The following SRGAP3 variants were observed in gnomAD, a reference collection of about 807,000 sequenced individuals.
SRGAP3 encodes SLIT-ROBO Rho GTPase-activating protein 3.
In SRGAP3, 39 loss-of-function variants were observed where a neutral mutation model predicts 121.1. The ratio of observed to expected loss-of-function variants is 0.32; its 90% CI spans 0.25 to 0.42. SRGAP3 has a LOEUF of 0.42. Ranked by LOEUF, SRGAP3 falls within the 10% of genes least tolerant of loss-of-function variation. The pLI is 1.00. For synonymous variants in SRGAP3, 601 were observed against 570.0 expected (o/e 1.05, Z -0.77); for missense variants, 1,213 against 1,470.6 (o/e 0.82, Z 2.86).
chr3:9,095,743 G>A lies in SRGAP3; in HGVS notation c.423+8937C>T, dbSNP rs955422285. 3.9e-5 allele frequency among the ~76,000 whole-genome samples: 6 copies of A among 152,250 alleles called. No individual in the cohort carries two copies. The South Asian group carries it at 6.2e-4, about 16-fold the overall frequency. ...CACTCCAGAGGAAGCCTTGATATCT[G>A]ATAAGGCCAATCCTCCAACAAATAC... On this transcript the variant is annotated intron_variant, in intron 3 of 21. Transcript: ENST00000383836.
At chr3:9,253,080 C>G (rs1485005229), upstream of SRGAP3, among the ~76,000 whole-genome samples, 1 of 152,200 alleles carries the variant, frequency 6.6e-6, no homozygotes. Context: ...TTTTTTGCTA[C>G]AGCCCCATGA....
At chr3:9,249,874 A>AT (rs1200218532), upstream of SRGAP3, among the ~76,000 whole-genome samples, 1 of 152,218 alleles carries the variant, frequency 6.6e-6, no homozygotes, top group Admixed American at 6.5e-5. Context: ...TGGGTTAGGG[A>AT]TTTTTCTTCC....
intron 5 of SRGAP3, among the ~76,000 whole-genome samples, chr3:9,061,290 G>C (rs988454422): frequency 6.6e-5 from 10 of 152,132 alleles, no homozygotes; most frequent in Non-Finnish European, 1.3e-4. Flanking sequence ...TCAAACTGCT[G>C]CTCGCACCTG....
chr3:9,268,588 C>T (rs1023825752), intron 3 of SRGAP3, among the ~76,000 whole-genome samples: 9 of 152,074 alleles, frequency 5.9e-5, no homozygotes, highest in African/African-American at 1.4e-4. Context: ...CACCAGGCAC[C>T]AGCCAACACA....
intron 1 of SRGAP3, chr3:9,217,921 A>C (rs1372865563): frequency 6.6e-6 from 1 of 152,180 alleles, no homozygotes; most frequent in African/African-American, 2.4e-5. Flanking sequence ...CCCCCACTGC[A>C]TCTGGCTCTC....
At chr3:9,253,704 C>G (rs1211975392), upstream of SRGAP3, among the ~76,000 whole-genome samples, 1 of 152,194 alleles carries the variant, frequency 6.6e-6, no homozygotes, top group Admixed American at 6.5e-5. Context: ...AAGCAGAACT[C>G]AGCTAGTTGA....
chr3:9,101,732 C>A (rs1170567792), intron 3 of SRGAP3, among the ~76,000 whole-genome samples: 3 of 152,152 alleles, frequency 2.0e-5, no homozygotes, highest in Non-Finnish European at 4.4e-5. Flanking sequence ...CTAGTAAGGT[C>A]CCTTTTTCTC....
In SRGAP3 at chr3:9,110,464, T is replaced by C. The variant is rs540565687; in HGVS notation, c.261-5622A>G. ...AACAAGGAAGGCTTTACAAATGCTG[T>C]GGCCACATGGCAGAAGAGGTCAATC... is the stretch of plus-strand genomic sequence containing the variant. On this transcript the variant is annotated intron_variant, in intron 2 of 21. Coordinates refer to ENST00000383836, the MANE Select transcript of SRGAP3 (RefSeq NM_014850.4). Among the ~76,000 whole-genome samples the C allele has an allele frequency of 1.4e-4, 21 of 152,348 alleles. No individual in the cohort carries two copies. The South Asian group carries it at 3.7e-3, about 27-fold the overall frequency.
chr3:9,124,257 G>A (rs1047360886), intron 2 of SRGAP3, among the ~76,000 whole-genome samples: 9 of 152,150 alleles, frequency 5.9e-5, no homozygotes, highest in Admixed American at 5.9e-4. Context: ...GCAAGGAAGA[G>A]GAATGTTTGA....
At position 8,985,760 on chromosome 3, in the gene SRGAP3, T is replaced by C. The variant is rs1195407145; in HGVS notation, c.3059A>G (p.Asp1020Gly). The C allele has an allele frequency of 1.3e-6, 2 of 1,597,596 alleles. No individual in the cohort carries two copies. The highest frequency in any genetic ancestry group is 2.2e-5 in the East Asian group (1 of 44,784). Residue 1020 changes from aspartate (D) to glycine (G), a missense_variant, in exon 22 of 22, where the codon GAC becomes GGC. Asp to Gly is a moderately conservative substitution (Grantham distance 94). Coordinates refer to ENST00000383836, the MANE Select transcript of SRGAP3 (RefSeq NM_014850.4). This position sits in a 1 kb window ranked among gnomAD's most constrained non-coding sequence, Gnocchi z 5.1. Reference sequence around the variant, plus strand: ...GCTGCGGCGCATGGCGGCATCGGGGTCGCGGATGACGATGGTGTGAAGGGG... The same window carrying C: ...GCTGCGGCGCATGGCGGCATCGGGGCCGCGGATGACGATGGTGTGAAGGGG... ...ASPLHTIVIR[D>G]PDAAMRRSSS...
intron 1 of SRGAP3, among the ~76,000 whole-genome samples, chr3:9,339,102 A>T (rs547433922): frequency 9.5e-4 from 144 of 152,292 alleles, no homozygotes; most frequent in Middle Eastern, 3.4e-3. Flanking sequence ...CTGGAGTTGC[A>T]CAGTCCCATA....
At position 9,024,039 on chromosome 3, in the gene SRGAP3, T is replaced by C. The variant is rs1387364838; in HGVS notation, c.1678+1222A>G. Among the ~76,000 whole-genome samples, 3 of 152,082 alleles carry C rather than the reference T, an allele frequency of 2.0e-5. No individual in the cohort carries two copies. The East Asian group carries it at 5.8e-4, about 29-fold the overall frequency. ...GAGAATTTGCTCAAGAGGCAGCTCCTTTGGGGTGGTAGGGGAGCTAGGTAA... is the reference window on the plus strand; with the variant it reads ...GAGAATTTGCTCAAGAGGCAGCTCCCTTGGGGTGGTAGGGGAGCTAGGTAA... On this transcript the variant is annotated intron_variant, in intron 14 of 21. Coordinates refer to ENST00000383836, the MANE Select transcript of SRGAP3 (RefSeq NM_014850.4).
chr3:9,126,736 G>A (rs1311412553), intron 1 of SRGAP3, among the ~76,000 whole-genome samples: 1 of 151,636 alleles, frequency 6.6e-6, no homozygotes, highest in Non-Finnish European at 1.5e-5. Flanking sequence ...GCACTTGGAT[G>A]TACAGTGTGG....
In SRGAP3 at chr3:8,994,442, G is replaced by A. The variant is rs753859975; in HGVS notation, c.2309C>T (p.Ser770Leu). The change falls in exon 19 of 22, where the codon TCG becomes TTG. Residue 770 changes from serine to leucine, a missense_variant. By Grantham distance (145) the Ser-to-Leu change is moderately radical. Around this residue, in one of 2 missense-constraint regions of SRGAP3, gnomAD observed 793 missense variants for 1,032.9 expected, o/e 0.77. Transcript: ENST00000383836. The stretch of plus-strand genomic sequence containing the variant: ...CGAGGCGCGGTGGTACAGGAGCAGC[G>A]AGGCCCCCTTCTTGAAGGATAGCTC... ...PRELSFKKGA[S>L]LLLYHRASED... 7 of 1,614,214 alleles carry A rather than the reference G, an allele frequency of 4.3e-6. No individual in the cohort carries two copies. Among genetic ancestry groups the A allele is most frequent in the South Asian group, 2.2e-5 (2 of 91,078 alleles).
chr3:9,202,567 C>T lies in SRGAP3; in HGVS notation c.67+46318G>A, dbSNP rs148592124. On this transcript the variant is annotated intron_variant, in intron 1 of 21. Coordinates refer to ENST00000383836, the MANE Select transcript of SRGAP3 (RefSeq NM_014850.4). The stretch of plus-strand genomic sequence containing the variant: ...AACTCTTGTCTGGAGCAGAGGTTTC[C>T]CTGCCAAGGCACAGACCTCCACATG... Among the ~76,000 whole-genome samples the T allele has an allele frequency of 8.1e-3, 1,239 of 152,336 alleles. 30 individuals carry two copies. The highest frequency in any genetic ancestry group is 0.028 in the African/African-American group (1,170 of 41,584).
At chr3:9,183,927 G>C (rs916045019) in intron 1 of SRGAP3, among the ~76,000 whole-genome samples, 1 of 152,050 alleles carries the variant, frequency 6.6e-6, no homozygotes, top group Non-Finnish European at 1.5e-5. Context: ...TGTGGAGCCA[G>C]TTGTAGCAGC....
intron 1 of SRGAP3, among the ~76,000 whole-genome samples, chr3:9,207,332 G>C (rs1018411584): frequency 2.0e-5 from 3 of 152,266 alleles, no homozygotes; most frequent in Admixed American, 6.5e-5. Context: ...CAAAGAAAGA[G>C]AGTGCTTTGG....
chr3:9,231,596 C>T (rs759389637), intron 1 of SRGAP3, among the ~76,000 whole-genome samples: 95 of 152,076 alleles, frequency 6.2e-4, no homozygotes, highest in Non-Finnish European at 5.7e-4. Flanking sequence ...ATAGCTATTC[C>T]AGAAGTTGCT....
chr3:9,018,395 G>C (rs1943744171), intron 14 of SRGAP3, among the ~76,000 whole-genome samples: 1 of 152,102 alleles, frequency 6.6e-6, no homozygotes, highest in Non-Finnish European at 1.5e-5. Flanking sequence ...TGAATGGTAT[G>C]GTAGTTCTAT....
Sources: gnomAD v4.1 joint callset for allele counts (sites outside exome capture counted in the v4.1 genomes callset) on GRCh38, gnomAD v4.1.1 for gene constraint, gnomAD v4.1.1 regional missense constraint, Gnocchi (gnomAD v3.1) non-coding constraint, MANE v1.5 for transcripts, NCBI Gene and HGNC (gene_info 2026-07-23, HGNC 2026-07-21) for gene names.